Variants in ZMYM5 observed in about 807,000 individuals in gnomAD.
The protein encoded by ZMYM5 is zinc finger MYM-type protein 5.
Under a neutral mutation model 61.8 loss-of-function variants are expected in ZMYM5, and 41 were observed. That is an observed-to-expected ratio of 0.66 (90% CI 0.52 to 0.86). ZMYM5 has a LOEUF of 0.86. Among genes scored for constraint, ZMYM5 ranks in the 40% least tolerant of loss-of-function variants. The pLI is 0.00. For missense variants in ZMYM5, 706 were observed against 786.7 expected, an observed-to-expected ratio of 0.90 and a Z score of 1.23; for synonymous variants, 257 against 276.4, an observed-to-expected ratio of 0.93 and a Z score of 0.70.
chr13:19,837,557 A>G (rs1274987169), intron 6 of ZMYM5, 99 bp downstream of exon 6: 1 of 1,609,326 alleles, frequency 6.2e-7, no homozygotes, highest in Non-Finnish European at 8.5e-7. Flanking sequence ...ATACATCCAG[A>G]ACACGTGCAT....
chr13:19,838,634 T>C (rs1566092054), intron 5 of ZMYM5, 66 bp downstream of exon 5: 2 of 1,555,412 alleles, frequency 1.3e-6, no homozygotes, highest in Non-Finnish European at 1.8e-6. Flanking sequence ...TCTGCAGTTA[T>C]ATTGAGTACT....
At chr13:19,858,552 C>T (rs1473833586) in intron 2 of ZMYM5, among the ~76,000 whole-genome samples, 1 of 144,056 alleles carries the variant, frequency 6.9e-6, no homozygotes, top group Non-Finnish European at 1.5e-5. Flanking sequence ...CCACTGCACT[C>T]CAGCCTGGGT....
chr13:19,854,998 G>C (rs186869224), intron 2 of ZMYM5, among the ~76,000 whole-genome samples: 17 of 152,186 alleles, frequency 1.1e-4, no homozygotes, highest in African/African-American at 3.9e-4. Context: ...TTTACATAAG[G>C]CTGTTTCAAA....
intron 6 of ZMYM5, chr13:19,837,325 G>A (rs1469856066): frequency 1.1e-6 from 1 of 930,814 alleles, no homozygotes; most frequent in Admixed American, 4.4e-5. Flanking sequence ...GGCCCCAAGG[G>A]GTAGTTTTCC....
At position 19,833,265 on chromosome 13, in the gene ZMYM5, G is replaced by C. The variant is rs1022178428; in HGVS notation, c.1251+2212C>G. Among the ~76,000 whole-genome samples, 5 of 152,256 alleles carry C rather than the reference G, an allele frequency of 3.3e-5. No homozygotes were observed. In the East Asian group the frequency reaches 7.7e-4, roughly 23 times the overall value. ...AATTAAATTCTCATCCAGTGAAATG[G>C]GGGTTAAGAATATTTCCAGTTTTAC... On this transcript the variant is annotated intron_variant, in intron 7 of 7. Coordinates refer to ENST00000337963, the MANE Select transcript of ZMYM5 (RefSeq NM_001142684.2).
intron 7 of ZMYM5, among the ~76,000 whole-genome samples, chr13:19,832,996 A>C (rs1952572952): frequency 6.6e-6 from 1 of 151,958 alleles, no homozygotes; most frequent in Non-Finnish European, 1.5e-5. Flanking sequence ...GGCCTCCCAA[A>C]GTGCTAGGAT....
rs1307653591 is a variant in ZMYM5, at chr13:19,824,663, C to T, written c.1824G>A (p.Gly608=). ...GTGATAAATGTTGCCAATCTTTGCA[C>T]CCATTTTCATTTTTCAGTTGATTTT... ...EGKNQLKNEN[G]CKDWQHLSHI... is the part of the protein sequence containing the mutation. Residue 608 remains glycine, a synonymous_variant, in exon 8 of 8, where the codon GGG becomes GGA. Transcript: ENST00000337963. The T allele has an allele frequency of 2.3e-6, 3 of 1,329,304 alleles. No individual in the cohort carries two copies. The highest frequency in any genetic ancestry group is 2.0e-6 in the Non-Finnish European group (2 of 1,003,704). 82.3% of individuals were successfully genotyped at this position (1,329,304 alleles called of 1,614,324 possible).
At chr13:19,851,652 C>T in intron 3 of ZMYM5, 37 bp downstream of exon 3, 2 of 1,553,258 alleles carry the variant, frequency 1.3e-6, no homozygotes, top group Non-Finnish European at 1.7e-6. Flanking sequence ...AGAGTCAATT[C>T]TGTAGTGATA....
intron 4 of ZMYM5, among the ~76,000 whole-genome samples, chr13:19,844,389 C>T (rs1593884925): frequency 6.6e-6 from 1 of 152,278 alleles, no homozygotes; most frequent in Middle Eastern, 3.4e-3. Flanking sequence ...ACCTTCATTG[C>T]TTTTAACACA....
intron 2 of ZMYM5, among the ~76,000 whole-genome samples, chr13:19,853,708 C>T (rs536019206): frequency 2.5e-4 from 38 of 151,326 alleles, no homozygotes; most frequent in African/African-American, 9.2e-4. Flanking sequence ...CTCAAGTGAT[C>T]CCCCGGCTTT....
chr13:19,860,650 C>T (rs1284047691), intron 2 of ZMYM5, among the ~76,000 whole-genome samples: 1 of 151,806 alleles, frequency 6.6e-6, no homozygotes, highest in Non-Finnish European at 1.5e-5. Context: ...GTTGACCAGG[C>T]TAGTCTCGAA....
intron 2 of ZMYM5, among the ~76,000 whole-genome samples, chr13:19,856,888 T>C (rs978569096): frequency 1.3e-5 from 2 of 151,938 alleles, no homozygotes; most frequent in African/African-American, 4.8e-5. Flanking sequence ...GGGCAGATCA[T>C]GAGGTCAGGA....
intron 2 of ZMYM5, among the ~76,000 whole-genome samples, chr13:19,861,994 A>G (rs1953783879): frequency 6.6e-6 from 1 of 152,174 alleles, no homozygotes; most frequent in Admixed American, 6.6e-5. Flanking sequence ...TGCTAGCTGG[A>G]GGACTGTCAG....
chr13:19,830,374 A>G (rs1303300859), intron 7 of ZMYM5, among the ~76,000 whole-genome samples: 2 of 152,186 alleles, frequency 1.3e-5, no homozygotes, highest in East Asian at 1.9e-4. Context: ...GGCAACTATT[A>G]ATTAATTTAT....
rs553117030 is a variant in ZMYM5 at position 19,840,514 on chromosome 13, C to CTACTCA, written c.587-1530_587-1529insTGAGTA. ...TCAGCTTCTTGAGTAGCTGGGACAACAGGCACATGCCATCACACCTGGCTA... is the reference window on the plus strand; with the variant it reads ...TCAGCTTCTTGAGTAGCTGGGACAACTACTCAAGGCACATGCCATCACACCTGGCTA... On this transcript the variant is annotated intron_variant, in intron 4 of 7. Coordinates refer to ENST00000337963, the MANE Select transcript of ZMYM5 (RefSeq NM_001142684.2). Among the ~76,000 whole-genome samples, 1,066 of 152,250 alleles carry CTACTCA rather than the reference C, an allele frequency of 7.0e-3. 34 individuals are homozygous for CTACTCA. The highest frequency in any genetic ancestry group is 0.046 in the Admixed American group (705 of 15,282).
At chr13:19,828,261 G>T (rs1183207176) in intron 7 of ZMYM5, among the ~76,000 whole-genome samples, 1 of 152,110 alleles carries the variant, frequency 6.6e-6, no homozygotes, top group East Asian at 1.9e-4. Context: ...ATCACCTGAG[G>T]TCAGGAGTTC....
At chr13:19,848,133 G>A (rs1449511402) in intron 4 of ZMYM5, among the ~76,000 whole-genome samples, 1 of 151,792 alleles carries the variant, frequency 6.6e-6, no homozygotes, top group Admixed American at 6.6e-5. Flanking sequence ...ACCATACCCA[G>A]CTAATTTTTT....
intron 4 of ZMYM5, among the ~76,000 whole-genome samples, chr13:19,850,546 A>G (rs2138607318): frequency 6.6e-6 from 1 of 152,246 alleles, no homozygotes; most frequent in South Asian, 2.1e-4. Context: ...GGCTGCAGTG[A>G]GCCGAGATGA....
At chr13:19,852,525 A>C (rs749908181) in intron 2 of ZMYM5, among the ~76,000 whole-genome samples, 1 of 152,186 alleles carries the variant, frequency 6.6e-6, no homozygotes, top group East Asian at 1.9e-4. Context: ...ATAATCACTT[A>C]TATTCCATAT....
Sources: allele counts gnomAD v4.1 joint callset (sites outside exome capture counted in the v4.1 genomes callset), GRCh38; gene constraint gnomAD v4.1.1; transcripts MANE v1.5; gene names NCBI Gene and HGNC (gene_info 2026-07-23, HGNC 2026-07-21).